CDH5: variants seen among roughly 807,000 people sequenced by gnomAD.
The protein encoded by CDH5 is cadherin 5.
CDH5 carries 28 observed loss-of-function variants against 62.0 expected under a neutral mutation model. The observed-to-expected ratio is 0.45, with a 90% CI of 0.33 to 0.62. The LOEUF (loss-of-function observed/expected upper bound fraction) is 0.62. Among genes scored for constraint, CDH5 ranks in the 20% least tolerant of loss-of-function variants. CDH5 has a pLI of 0.02. For synonymous variants in CDH5, 464 were observed against 445.8 expected (o/e 1.04, Z -0.52); for missense variants, 940 against 1,065.1 (o/e 0.88, Z 1.63).
chr16:66,396,077 C>T lies in CDH5; in HGVS notation c.1236C>T (p.Thr412=). The T allele has an allele frequency of 6.2e-7, 1 of 1,613,886 alleles. No individual in the cohort carries two copies. The highest frequency in any genetic ancestry group is 8.5e-7 in the Non-Finnish European group (1 of 1,179,990). ...TGGGCAGATACTCCATCCGCAGGAC[C>T]AGTGACAAGGGCCAGTTCTTCCGAG... ...RHSIGYSIRR[T]SDKGQFFRVT... Residue 412 remains threonine (T), a synonymous_variant, in exon 8 of 12, where the codon ACC becomes ACT. Coordinates refer to ENST00000341529, the MANE Select transcript of CDH5 (RefSeq NM_001795.5).
rs761991331 is a variant in CDH5, at chr16:66,379,391, G to GGCAGTGGCA, written c.68_76dup (p.Val23_Ala25dup). The GGCAGTGGCA allele has an allele frequency of 1.2e-6, 2 of 1,614,064 alleles. No homozygotes were observed. Among genetic ancestry groups the GGCAGTGGCA allele is most frequent in the Admixed American group, 1.7e-5 (1 of 60,034 alleles). On this transcript the variant is annotated inframe_insertion, in exon 2 of 12. Transcript: ENST00000341529. ...CATCGGGCGCCTGCCTGGGCCTGCT[G>GGCAGTGGCA]GCAGTGGCAGCAGTGGCAGCAGCAG...
chr16:66,396,109 A>G lies in CDH5; in HGVS notation c.1268A>G (p.Lys423Arg), dbSNP rs1961180691. 6.2e-7 allele frequency: 1 copy of G among 1,614,036 alleles called. No individual in the cohort carries two copies. The highest frequency in any genetic ancestry group is 1.1e-5 in the South Asian group (1 of 91,080). The change falls in exon 8 of 12, where the codon AAA becomes AGA. Residue 423 changes from lysine to arginine, a missense_variant. Physicochemically the swap from Lys to Arg is conservative, Grantham distance 26 (BLOSUM62 2). Coordinates refer to ENST00000341529, the MANE Select transcript of CDH5 (RefSeq NM_001795.5). ...SDKGQFFRVT[K>R]KGDIYNEKEL... ...AAGGGCCAGTTCTTCCGAGTCACAA[A>G]AAAGGGGGACATTTACAATGAGAAA...
intron 2 of CDH5, among the ~76,000 whole-genome samples, chr16:66,385,208 G>A (rs540986061): frequency 1.5e-4 from 23 of 152,244 alleles, no homozygotes; most frequent in Non-Finnish European, 2.5e-4. Context: ...GAACTATACC[G>A]TTCCTAATAT....
At position 66,368,002 on chromosome 16, in the gene CDH5, G is replaced by A. The variant is rs577909256; in HGVS notation, c.-20+1244G>A. The stretch of plus-strand genomic sequence containing the variant: ...AGGTATGGTCAAACCCCATCACGGA[G>A]GGGTCCTCAGGTGCCCAGCAGGTAC... On this transcript the variant is annotated intron_variant, in intron 1 of 11. Coordinates refer to ENST00000341529, the MANE Select transcript of CDH5 (RefSeq NM_001795.5). 1.8e-3 allele frequency among the ~76,000 whole-genome samples: 267 copies of A among 152,294 alleles called. 2 individuals carry two copies. Among genetic ancestry groups the A allele is most frequent in the African/African-American group, 6.2e-3 (257 of 41,566 alleles).
chr16:66,382,763 GA>G (rs1054479695), intron 2 of CDH5, among the ~76,000 whole-genome samples: 3 of 152,150 alleles, frequency 2.0e-5, no homozygotes, highest in Admixed American at 1.3e-4. Context: ...GCCTGGAAAA[GA>G]CAAGGACAGG....
At chr16:66,379,897 G>A (rs888987995) in intron 2 of CDH5, among the ~76,000 whole-genome samples, 9 of 146,614 alleles carry the variant, frequency 6.1e-5, no homozygotes, top group East Asian at 4.2e-4. Context: ...TGGTGATCAC[G>A]GTGATGGTGG....
intron 10 of CDH5, among the ~76,000 whole-genome samples, chr16:66,399,818 A>G (rs568512493): frequency 1.6e-4 from 24 of 152,370 alleles, no homozygotes; most frequent in Admixed American, 1.2e-3. Flanking sequence ...AGTTTCTCCC[A>G]TAAGTGTCAA....
At chr16:66,390,327 T>C (rs1049143811) in intron 5 of CDH5, 76 bp from the exon 6 acceptor site, 44 of 1,104,394 alleles carry the variant, frequency 4.0e-5, no homozygotes, top group Non-Finnish European at 5.1e-5. Flanking sequence ...CAAAATATGT[T>C]AGAATAGCTG....
chr16:66,388,443 CTG>C lies in CDH5; in HGVS notation c.616+8_616+9del. 1 of 1,557,056 alleles carries C rather than the reference CTG, an allele frequency of 6.4e-7. No homozygotes were observed. The highest frequency in any genetic ancestry group is 8.9e-7 in the Non-Finnish European group (1 of 1,128,064). ...GTATTTTGCCATCGATAATTCTGGT[CTG>C]TGTGACTAACACTCCTGGACAGTCA... On this transcript the variant is annotated splice_donor_5th_base_variant and intron_variant, in intron 4 of 11. Transcript: ENST00000341529.
chr16:66,400,914 A>C lies in CDH5; in HGVS notation c.1735A>C (p.Asn579His). ...GCTGACCGTGGCCGTGTGCAAGTGC[A>C]ACGAGCAGGGCGAGTTCACCTTCTG... ...STLTVAVCKC[N>H]EQGEFTFCED... is the part of the protein sequence containing the mutation. The change falls in exon 11 of 12, where the codon AAC (asparagine) becomes CAC (histidine). Residue 579 changes from asparagine to histidine, a missense_variant. Asn to His is a moderately conservative substitution (Grantham distance 68). Transcript: ENST00000341529. 1 of 1,614,208 alleles carries C rather than the reference A, an allele frequency of 6.2e-7. No homozygotes were observed. Among genetic ancestry groups the C allele is most frequent in the Non-Finnish European group, 8.5e-7 (1 of 1,180,048 alleles).
rs761744972 is a variant in CDH5, at chr16:66,390,459, C to G, written c.838C>G (p.Leu280Val). The G allele has an allele frequency of 1.2e-6, 2 of 1,614,120 alleles. No individual in the cohort carries two copies. The highest frequency in any genetic ancestry group is 3.3e-5 in the Admixed American group (2 of 60,012). The change falls in exon 6 of 12, where the codon CTG becomes GTG. Residue 280 changes from leucine to valine, a missense_variant. Coordinates refer to ENST00000341529, the MANE Select transcript of CDH5 (RefSeq NM_001795.5). Reference protein sequence around the residue: ...DTRVGTSVGSLFVEDPDEPQN... With the variant: ...DTRVGTSVGSVFVEDPDEPQN... The stretch of plus-strand genomic sequence containing the variant: ...CCGTGTGGGCACCTCTGTGGGCTCT[C>G]TGTTTGTTGAGGACCCAGATGAGCC...
intron 11 of CDH5, among the ~76,000 whole-genome samples, chr16:66,401,264 C>A (rs537932840): frequency 6.6e-6 from 1 of 152,180 alleles, no homozygotes; most frequent in Admixed American, 6.5e-5. Context: ...TCCTCCCCCA[C>A]GCATCAGGCC....
rs1960997059 is a variant in CDH5 at position 66,387,015 on chromosome 16, C to A, written c.417C>A (p.Ile139=). The change falls in exon 3 of 12, where the codon ATC becomes ATA. Residue 139 remains isoleucine (I), a synonymous_variant. Coordinates refer to ENST00000341529, the MANE Select transcript of CDH5 (RefSeq NM_001795.5). ...TGGAGACTCCTTCCAGCTTCACCAT[C>A]AAAGTTCATGACGTGAACGACAACT... ...ENLETPSSFT[I]KVHDVNDNWP... 6.2e-7 allele frequency: 1 copy of A among 1,614,056 alleles called. No individual in the cohort carries two copies. Among genetic ancestry groups the A allele is most frequent in the Non-Finnish European group, 8.5e-7 (1 of 1,180,034 alleles).
At position 66,379,465 on chromosome 16, in the gene CDH5, G is replaced by T. The variant is rs750673195; in HGVS notation, c.128G>T (p.Arg43Leu). 6.2e-7 allele frequency: 1 copy of T among 1,614,202 alleles called. No individual in the cohort carries two copies. ...ACCCACAGCCTGCTGCCCACCCACC[G>T]GCGCCAAAAGAGAGATTGGATTTGG... is the stretch of plus-strand genomic sequence containing the variant. The part of the protein sequence containing the change: ...RDTHSLLPTH[R>L]RQKRDWIWNQ... The change falls in exon 2 of 12, where the codon CGG becomes CTG. Residue 43 changes from arginine to leucine, a missense_variant. Physicochemically the swap from Arg to Leu is moderately radical, Grantham distance 102 (BLOSUM62 -2). Transcript: ENST00000341529.
intron 4 of CDH5, among the ~76,000 whole-genome samples, chr16:66,388,955 A>G (rs1316844370): frequency 1.3e-5 from 2 of 152,230 alleles, no homozygotes; most frequent in Non-Finnish European, 2.9e-5. Flanking sequence ...CAAAAAATAT[A>G]AGGACTGACT....
intron 1 of CDH5, 159 bp from the exon 2 acceptor site, chr16:66,379,160 G>C: frequency 1.6e-6 from 1 of 627,414 alleles, no homozygotes; most frequent in Non-Finnish European, 2.8e-6. Flanking sequence ...GTGCATGACT[G>C]CTCCCTGAAA....
Position 66,403,484 on chromosome 16 carries a change from C to A in CDH5, c.*315C>A. The A allele has an allele frequency of 2.5e-6, 1 of 404,140 alleles. No individual in the cohort carries two copies. The highest frequency in any genetic ancestry group is 4.6e-6 in the Non-Finnish European group (1 of 219,076). The allele number at this position is 404,140 out of a possible 1,614,324, so 25.0% of individuals were successfully genotyped here. A position where few individuals can be genotyped will look rare whatever the true frequency, so the allele number is the denominator to read the frequency against. ...AAAGACTTCCTCTGGCTCCCCAAGG[C>A]TGCAAAGCAAAACAGACTGTGTTTA... is the stretch of plus-strand genomic sequence containing the variant. On this transcript the variant is annotated 3_prime_UTR_variant, in exon 12 of 12. Transcript: ENST00000341529. The surrounding 1 kb of genome is among the most constrained non-coding windows in gnomAD (Gnocchi z 4.3).
chr16:66,389,403 C>T lies in CDH5; in HGVS notation c.662C>T (p.Ala221Val). ...AAAAGCTTGGACCGAGAGAAGCAGG[C>T]CAGGTATGAGATCGTGGTGGAAGCG... ...ITKSLDREKQ[A>V]RYEIVVEARD... Residue 221 changes from alanine (A) to valine (V), a missense_variant, in exon 5 of 12, where the codon GCC becomes GTC. Ala to Val is a moderately conservative substitution (Grantham distance 64, BLOSUM62 0). Coordinates refer to ENST00000341529, the MANE Select transcript of CDH5 (RefSeq NM_001795.5). 1 of 1,613,386 alleles carries T rather than the reference C, an allele frequency of 6.2e-7. No homozygotes were observed.
chr16:66,379,229 T>C (rs183035490), intron 1 of CDH5, 90 bp from the exon 2 acceptor site: 4 of 939,442 alleles, frequency 4.3e-6, no homozygotes, highest in African/African-American at 1.6e-5. Flanking sequence ...TTTGGCATTA[T>C]ATCTAGCTGC....
Sources: allele counts gnomAD v4.1 joint callset (sites outside exome capture counted in the v4.1 genomes callset), GRCh38; gene constraint gnomAD v4.1.1; non-coding constraint Gnocchi (gnomAD v3.1); transcripts MANE v1.5; gene names NCBI Gene and HGNC (gene_info 2026-07-23, HGNC 2026-07-21).